The following SGCZ variants were observed in gnomAD, a reference collection of about 807,000 sequenced individuals.
The protein encoded by SGCZ is zeta-sarcoglycan.
Under a neutral mutation model 41.3 loss-of-function variants are expected in SGCZ, and 40 were observed. That is an observed-to-expected ratio of 0.97 (90% CI 0.75 to 1.26). SGCZ has a LOEUF of 1.26. Ranked by LOEUF, SGCZ falls within the 50% of genes most tolerant of loss-of-function variation. The pLI is 0.00. For synonymous variants in SGCZ, 206 were observed against 137.5 expected, an observed-to-expected ratio of 1.50 and a Z score of -3.49; for missense variants, 552 against 369.8, an observed-to-expected ratio of 1.49 and a Z score of -4.04.
intron 1 of SGCZ, among the ~76,000 whole-genome samples, chr8:14,909,522 C>T (rs370367097): frequency 6.6e-5 from 10 of 152,030 alleles, no homozygotes; most frequent in African/African-American, 2.2e-4. Flanking sequence ...CTGTGCTAAC[C>T]ATTCCCAAGT....
chr8:14,972,645 CT>C (rs1332500360), intron 1 of SGCZ, among the ~76,000 whole-genome samples: 1 of 152,148 alleles, frequency 6.6e-6, no homozygotes, highest in Non-Finnish European at 1.5e-5. Context: ...TACCAGCCTA[CT>C]TTCTTTAACT....
intron 2 of SGCZ, among the ~76,000 whole-genome samples, chr8:14,371,553 C>G (rs1803909954): frequency 6.6e-6 from 1 of 151,988 alleles, no homozygotes; most frequent in South Asian, 2.1e-4. Flanking sequence ...TTGGGGCATT[C>G]TAAGATGATC....
chr8:14,217,121 A>C (rs922794324), intron 4 of SGCZ, among the ~76,000 whole-genome samples: 2 of 152,144 alleles, frequency 1.3e-5, no homozygotes, highest in East Asian at 3.9e-4. Flanking sequence ...CCCTGTCTAT[A>C]CTAAAAATAC....
At position 15,060,556 on chromosome 8, in the gene SGCZ, T is replaced by C. The variant is rs190950218; in HGVS notation, c.39+177029A>G. Reference sequence around the variant, plus strand: ...AGGGGGGAGGGATAGCATTAGGAGATATACCTAATTAATGTAAATGACGAG... The same window carrying C: ...AGGGGGGAGGGATAGCATTAGGAGACATACCTAATTAATGTAAATGACGAG... On this transcript the variant is annotated intron_variant, in intron 1 of 7. Coordinates refer to ENST00000382080, the MANE Select transcript of SGCZ (RefSeq NM_139167.4). Among the ~76,000 whole-genome samples the C allele has an allele frequency of 1.7e-3, 249 of 148,280 alleles. 1 individual carries two copies. The highest frequency in any genetic ancestry group is 2.2e-3 in the Non-Finnish European group (151 of 67,122).
chr8:15,129,643 A>G (rs1807825871), intron 1 of SGCZ, among the ~76,000 whole-genome samples: 1 of 149,364 alleles, frequency 6.7e-6, no homozygotes, highest in African/African-American at 2.5e-5. Flanking sequence ...CATCATTGAA[A>G]TAGAGGCGTG....
At chr8:14,343,899 G>C (rs1169778738) in intron 2 of SGCZ, among the ~76,000 whole-genome samples, 1 of 151,720 alleles carries the variant, frequency 6.6e-6, no homozygotes, top group Non-Finnish European at 1.5e-5. Context: ...AAAAGAAGCA[G>C]TGCAAATTAA....
At chr8:14,714,000 A>G (rs966356472) in intron 1 of SGCZ, among the ~76,000 whole-genome samples, 21 of 152,104 alleles carry the variant, frequency 1.4e-4, no homozygotes, top group Non-Finnish European at 2.5e-4. Flanking sequence ...ATGGAGTCTC[A>G]CTCTGTACCC....
At chr8:14,544,484 T>C (rs112621410) in intron 2 of SGCZ, among the ~76,000 whole-genome samples, 36,657 of 152,010 alleles carry the variant, frequency 0.24, 4,535 homozygotes, top group Middle Eastern at 0.41. Context: ...TAAACGGACG[T>C]GCAAGTAGGA....
intron 4 of SGCZ, among the ~76,000 whole-genome samples, chr8:14,167,950 A>G (rs1804258038): frequency 6.6e-6 from 1 of 152,230 alleles, no homozygotes; most frequent in Non-Finnish European, 1.5e-5. Context: ...AAATCTTCAA[A>G]GAGGCTCAAA....
chr8:15,061,186 G>A (rs1054939411), intron 1 of SGCZ, among the ~76,000 whole-genome samples: 2 of 152,134 alleles, frequency 1.3e-5, no homozygotes, highest in Non-Finnish European at 2.9e-5. Flanking sequence ...TATTAAGAGG[G>A]GGGAACATTT....
intron 1 of SGCZ, among the ~76,000 whole-genome samples, chr8:14,958,444 A>G (rs1800862611): frequency 6.6e-6 from 1 of 152,114 alleles, no homozygotes; most frequent in South Asian, 2.1e-4. Flanking sequence ...GTAACATGGT[A>G]AACTCTGAAA....
intron 3 of SGCZ, among the ~76,000 whole-genome samples, chr8:14,253,431 T>A (rs1799355135): frequency 6.6e-6 from 1 of 152,136 alleles, no homozygotes. Flanking sequence ...GAGATTTCAA[T>A]TACATTTCCT....
intron 1 of SGCZ, among the ~76,000 whole-genome samples, chr8:15,129,563 G>C (rs1156783852): frequency 6.6e-6 from 1 of 152,040 alleles, no homozygotes; most frequent in Non-Finnish European, 1.5e-5. Flanking sequence ...AGCAAGGAAA[G>C]AAATAGCACT....
chr8:14,143,734 G>C (rs1803440430), intron 5 of SGCZ, among the ~76,000 whole-genome samples: 1 of 152,092 alleles, frequency 6.6e-6, no homozygotes, highest in Admixed American at 6.6e-5. Flanking sequence ...GGCATGAAGA[G>C]ATAAAGAGCC....
intron 1 of SGCZ, among the ~76,000 whole-genome samples, chr8:14,987,137 C>G (rs1801848698): frequency 6.6e-6 from 1 of 151,780 alleles, no homozygotes; most frequent in Admixed American, 6.6e-5. Flanking sequence ...AATTAGAAAA[C>G]TGTTTACCAC....
intron 1 of SGCZ, among the ~76,000 whole-genome samples, chr8:14,926,221 T>C (rs555505090): frequency 2.0e-4 from 30 of 152,282 alleles, no homozygotes; most frequent in Admixed American, 1.6e-3. Context: ...CTTATACTCA[T>C]TTGTCGTTCA....
At chr8:14,760,746 G>C (rs972176661) in intron 1 of SGCZ, among the ~76,000 whole-genome samples, 1 of 152,270 alleles carries the variant, frequency 6.6e-6, no homozygotes, top group South Asian at 2.1e-4. Flanking sequence ...CAGTTATTCA[G>C]TCTATTTCTT....
At chr8:14,823,053 C>CAAAAAAAAA (rs1287129558) in intron 1 of SGCZ, among the ~76,000 whole-genome samples, 1 of 69,394 alleles carries the variant, frequency 1.4e-5, no homozygotes. Flanking sequence ...CACCAATCCT[C>CAAAAAAAAA]ATAAAAAAAA....
intron 1 of SGCZ, among the ~76,000 whole-genome samples, chr8:14,838,458 C>T (rs116414273): frequency 6.6e-6 from 1 of 152,042 alleles, no homozygotes; most frequent in East Asian, 1.9e-4. Context: ...TCATGTACCC[C>T]AGAAGACAAT....
Sources: allele counts gnomAD v4.1 joint callset (sites outside exome capture counted in the v4.1 genomes callset), GRCh38; gene constraint gnomAD v4.1.1; transcripts MANE v1.5; gene names NCBI Gene and HGNC (gene_info 2026-07-23, HGNC 2026-07-21).